SYMPK: variants seen among roughly 807,000 people sequenced by gnomAD.
SYMPK encodes symplekin scaffold protein.
Under a neutral mutation model 136.4 loss-of-function variants are expected in SYMPK, and 49 were observed. The ratio of observed to expected loss-of-function variants is 0.36; its 90% CI spans 0.29 to 0.46. SYMPK has a LOEUF of 0.46. Ranked by LOEUF, SYMPK falls within the 20% of genes least tolerant of loss-of-function variation. SYMPK has a pLI of 1.00. For missense variants in SYMPK, 1,365 were observed against 1,690.0 expected, an observed-to-expected ratio of 0.81 and a Z score of 3.37; for synonymous variants, 766 against 713.0, an observed-to-expected ratio of 1.07 and a Z score of -1.19.
chr19:45,836,548 G>A (rs977231847), intron 10 of SYMPK, among the ~76,000 whole-genome samples: 3 of 151,600 alleles, frequency 2.0e-5, no homozygotes, highest in African/African-American at 4.8e-5. Flanking sequence ...GGAGAATGGC[G>A]TGAACCCGGG....
At chr19:45,841,687 G>A (rs1210149309) in intron 9 of SYMPK, among the ~76,000 whole-genome samples, 1 of 152,108 alleles carries the variant, frequency 6.6e-6, no homozygotes, top group Non-Finnish European at 1.5e-5. Context: ...GTTAAGAAAA[G>A]CCATAGTTGA....
intron 7 of SYMPK, among the ~76,000 whole-genome samples, chr19:45,845,350 G>A (rs1162777347): frequency 2.6e-5 from 4 of 151,566 alleles, no homozygotes; most frequent in Admixed American, 6.6e-5. Flanking sequence ...CTCCCCAACC[G>A]CCCATTACCC....
chr19:45,859,953 TAAAAAA>T lies in SYMPK; in HGVS notation c.-13+3099_-13+3104del, dbSNP rs61203536. Among the ~76,000 whole-genome samples the T allele has an allele frequency of 1.2e-4, 10 of 85,668 alleles. 1 individual carries two copies. Among genetic ancestry groups the T allele is most frequent in the African/African-American group, 4.6e-4 (10 of 21,794 alleles). The allele number at this position is 85,668 out of a possible 152,430, so 56.2% of individuals were successfully genotyped here. A position where few individuals can be genotyped will look rare whatever the true frequency, so the allele number is the denominator to read the frequency against. ...CTGGGAGACACGGTAAGACTCCATC[TAAAAAA>T]AAAAAAAAAAAAAAAAAAAAATTAG... On this transcript the variant is annotated intron_variant, in intron 1 of 26. Transcript: ENST00000245934.
rs1286132485 is a variant in SYMPK at position 45,824,759 on chromosome 19, T to C, written c.2490+412A>G. On this transcript the variant is annotated intron_variant, in intron 18 of 26. Transcript: ENST00000245934. ...TAGAGAGAGGGGCAGGAAGGACTTA[T>C]GTTTATGTAATGACAGCTAAAGAGT... Among the ~76,000 whole-genome samples, 3 of 152,196 alleles carry C rather than the reference T, an allele frequency of 2.0e-5. No individual in the cohort carries two copies. In the East Asian group the frequency reaches 5.8e-4, roughly 29 times the overall value.
chr19:45,831,200 A>G, intron 12 of SYMPK, 184 bp downstream of exon 12: 1 of 401,932 alleles, frequency 2.5e-6, no homozygotes, highest in Non-Finnish European at 4.3e-6. Context: ...AGGAAAGAGA[A>G]CAGCAAAGGC....
intron 9 of SYMPK, among the ~76,000 whole-genome samples, chr19:45,839,262 G>T (rs1248055428): frequency 6.6e-6 from 1 of 152,110 alleles, no homozygotes; most frequent in African/African-American, 2.4e-5. Context: ...GGCACACCTG[G>T]GCTCAGACCT....
intron 11 of SYMPK, 47 bp downstream of exon 11, chr19:45,835,031 C>T (rs1466968215): frequency 2.1e-6 from 3 of 1,461,312 alleles, no homozygotes; most frequent in Admixed American, 4.6e-5. Context: ...AACCCAGAAG[C>T]CACAAGTGCC....
intron 8 of SYMPK, 139 bp downstream of exon 8, chr19:45,843,891 C>A: frequency 1.4e-6 from 1 of 733,138 alleles, no homozygotes; most frequent in Admixed American, 5.4e-5. Context: ...TTGCAGTGAG[C>A]CAAGATTGCA....
intron 12 of SYMPK, 29 bp downstream of exon 12, chr19:45,831,355 C>T: frequency 6.7e-7 from 1 of 1,492,042 alleles, no homozygotes; most frequent in Non-Finnish European, 9.0e-7. Context: ...GGGCTCCTGT[C>T]CTGCCCTAGC....
At chr19:45,852,225 C>G (rs1600528943) in intron 5 of SYMPK, 87 bp downstream of exon 5, 13 of 1,368,408 alleles carry the variant, frequency 9.5e-6, no homozygotes, top group Non-Finnish European at 1.4e-5. Context: ...GAGGGCAGGC[C>G]TCTCAGTGGT....
At chr19:45,851,256 A>C (rs1426578866) in intron 5 of SYMPK, among the ~76,000 whole-genome samples, 2 of 152,148 alleles carry the variant, frequency 1.3e-5, no homozygotes, top group Non-Finnish European at 2.9e-5. Flanking sequence ...GAACGTGCTA[A>C]ATGCCACTCA....
chr19:45,863,123 C>G lies in SYMPK; in HGVS notation c.-78G>C. The G allele has an allele frequency of 2.5e-6, 1 of 405,982 alleles. No individual in the cohort carries two copies. The highest frequency in any genetic ancestry group is 4.3e-6 in the Non-Finnish European group (1 of 230,470). The allele number at this position is 405,982 out of a possible 1,614,324, so 25.1% of individuals were successfully genotyped here. ...TGCCTCTTCCTACACTCCGCCGCCG[C>G]CGCCGCCGCCATCTTCCGTTCGTCG... is the stretch of plus-strand genomic sequence containing the variant. On this transcript the variant is annotated 5_prime_UTR_variant, in exon 1 of 27. Transcript: ENST00000245934.
At chr19:45,841,131 G>A (rs1470494686) in intron 9 of SYMPK, among the ~76,000 whole-genome samples, 2 of 151,758 alleles carry the variant, frequency 1.3e-5, no homozygotes, top group Non-Finnish European at 2.9e-5. Flanking sequence ...CTACAGGTGT[G>A]CACCACCACG....
intron 10 of SYMPK, among the ~76,000 whole-genome samples, chr19:45,838,016 C>A (rs1421473141): frequency 6.6e-6 from 1 of 152,044 alleles, no homozygotes; most frequent in East Asian, 1.9e-4. Context: ...TGTTCCTTCC[C>A]GAATCTCATG....
At chr19:45,835,575 C>T (rs998952112) in intron 10 of SYMPK, among the ~76,000 whole-genome samples, 1 of 151,878 alleles carries the variant, frequency 6.6e-6, no homozygotes, top group African/African-American at 2.4e-5. Flanking sequence ...AGAGAAACAC[C>T]ATGGGAGAAG....
intron 1 of SYMPK, chr19:45,855,726 T>G (rs909863089): frequency 6.6e-6 from 1 of 152,046 alleles, no homozygotes; most frequent in Non-Finnish European, 1.5e-5. Context: ...CCAGGTGCAG[T>G]GGCTCATGCC....
intron 9 of SYMPK, among the ~76,000 whole-genome samples, chr19:45,840,674 AAAAC>A (rs1267127804): frequency 6.6e-6 from 1 of 151,948 alleles, no homozygotes; most frequent in East Asian, 1.9e-4. Context: ...TAAAAAAAAA[AAAAC>A]AAACAAATAC....
At chr19:45,824,016 T>TG in intron 18 of SYMPK, 141 bp from the exon 19 acceptor site, 1 of 468,484 alleles carries the variant, frequency 2.1e-6, no homozygotes. Context: ...GGGGGAAAGG[T>TG]GGGGAAGGGC....
At chr19:45,823,630 GAA>G (rs1970962401) in intron 19 of SYMPK, 135 bp downstream of exon 19, 1 of 978,652 alleles carries the variant, frequency 1.0e-6, no homozygotes, top group Non-Finnish European at 1.6e-6. Context: ...TCCAAATGGA[GAA>G]ACTGAGGCCC....
Sources: allele counts gnomAD v4.1 joint callset (sites outside exome capture counted in the v4.1 genomes callset), GRCh38; gene constraint gnomAD v4.1.1; transcripts MANE v1.5; gene names NCBI Gene and HGNC (gene_info 2026-07-23, HGNC 2026-07-21).